Variants in AIG1 observed in about 807,000 individuals in gnomAD.
AIG1 encodes androgen induced 1.
AIG1 carries 23 observed loss-of-function variants against 31.4 expected under a neutral mutation model. That is an observed-to-expected ratio of 0.73 (90% CI 0.53 to 1.04). The LOEUF is 1.04. Ranked by LOEUF, AIG1 falls within the 50% of genes least tolerant of loss-of-function variation. AIG1 has a pLI of 0.00. For missense variants in AIG1, 274 were observed against 295.0 expected (o/e 0.93, Z 0.52); for synonymous variants, 100 against 110.5 (o/e 0.90, Z 0.60).
intron 3 of AIG1, among the ~76,000 whole-genome samples, chr6:143,260,115 C>T (rs1415501763): frequency 1.3e-5 from 2 of 150,306 alleles, no homozygotes; most frequent in East Asian, 2.0e-4. Context: ...GCTCCGCCTC[C>T]TGGATTCACA....
chr6:143,338,315 C>T lies in AIG1; in HGVS notation c.680-1324C>T, dbSNP rs559785884. On this transcript the variant is annotated intron_variant, in intron 5 of 5. Coordinates refer to ENST00000357847, the MANE Select transcript of AIG1 (RefSeq NM_016108.4). This position sits in a 1 kb window ranked among gnomAD's most constrained non-coding sequence, Gnocchi z 4.3. ...ACCTGTTCCTCCTCCCGTCAGATGT[C>T]CTTACTCCTCAATTTGAAGTTTTCC... 3.7e-4 allele frequency: 109 copies of T among 290,786 alleles called. No individual in the cohort carries two copies. Among genetic ancestry groups the T allele is most frequent in the Non-Finnish European group, 6.3e-4 (99 of 158,306 alleles). The allele number at this position is 290,786 out of a possible 1,614,324, so 18.0% of individuals were successfully genotyped here. A position where few individuals can be genotyped will look rare whatever the true frequency, so the allele number is the denominator to read the frequency against.
At chr6:143,271,024 T>C (rs545870613) in intron 3 of AIG1, among the ~76,000 whole-genome samples, 1 of 152,370 alleles carries the variant, frequency 6.6e-6, no homozygotes, top group Admixed American at 6.5e-5. Context: ...AGACTCATGG[T>C]TCTCTGCTTT....
At chr6:143,088,266 C>CT (rs72556194) in intron 1 of AIG1, among the ~76,000 whole-genome samples, 23,379 of 146,642 alleles carry the variant, frequency 0.16, 4,413 homozygotes, top group African/African-American at 0.46. Flanking sequence ...CACTGCACAT[C>CT]TTTTTTTTTT....
chr6:143,305,597 T>TTATA (rs1412171180), intron 4 of AIG1, among the ~76,000 whole-genome samples: 1 of 152,222 alleles, frequency 6.6e-6, no homozygotes, highest in African/African-American at 2.4e-5. Flanking sequence ...AGACAGTTTG[T>TTATA]TATAATTTCT....
chr6:143,190,859 C>T (rs1488534497), intron 3 of AIG1, among the ~76,000 whole-genome samples: 1 of 152,182 alleles, frequency 6.6e-6, no homozygotes, highest in Non-Finnish European at 1.5e-5. Flanking sequence ...GAGGTCTTGA[C>T]AATGCTTTCT....
At chr6:143,143,554 T>TATATATATATAC (rs762393675) in intron 2 of AIG1, among the ~76,000 whole-genome samples, 7 of 103,982 alleles carry the variant, frequency 6.7e-5, no homozygotes, top group South Asian at 3.4e-4. Context: ...TATATATATA[T>TATATATATATAC]ACACACACAC....
intron 3 of AIG1, among the ~76,000 whole-genome samples, chr6:143,175,472 C>T (rs936865284): frequency 2.0e-5 from 3 of 152,210 alleles, no homozygotes; most frequent in African/African-American, 7.2e-5. Context: ...AACACAATCC[C>T]AAACTTCTTG....
chr6:143,114,233 A>G (rs1029086727), intron 1 of AIG1, among the ~76,000 whole-genome samples: 3 of 152,232 alleles, frequency 2.0e-5, no homozygotes, highest in Admixed American at 2.0e-4. Flanking sequence ...TCTGTTTTCA[A>G]AAATCTTGTA....
Position 143,340,910 on chromosome 6 carries a change from T to C in AIG1, c.*1234T>C, listed in dbSNP as rs148264724. On this transcript the variant is annotated 3_prime_UTR_variant, in exon 6 of 6. Coordinates refer to ENST00000357847, the MANE Select transcript of AIG1 (RefSeq NM_016108.4). The stretch of plus-strand genomic sequence containing the variant: ...TGTTGAGAGAGATCAACAAATGATA[T>C]AAAACCATTCACTCCAAAATTATAA... Among the ~76,000 whole-genome samples, 1,443 of 152,036 alleles carry C rather than the reference T, an allele frequency of 9.5e-3. 21 individuals are homozygous for C. The highest frequency in any genetic ancestry group is 0.032 in the African/African-American group (1,332 of 41,528).
chr6:143,300,861 C>T (rs917255330), intron 4 of AIG1, among the ~76,000 whole-genome samples: 1 of 152,200 alleles, frequency 6.6e-6, no homozygotes, highest in Non-Finnish European at 1.5e-5. Flanking sequence ...ATGTCTGACA[C>T]ATACAAATGA....
At chr6:143,161,599 A>G (rs1282222454) in intron 2 of AIG1, among the ~76,000 whole-genome samples, 1 of 151,340 alleles carries the variant, frequency 6.6e-6, no homozygotes, top group Non-Finnish European at 1.5e-5. Context: ...ATTATCATAT[A>G]TGATGACCAG....
At chr6:143,113,898 C>T (rs1050535330) in intron 1 of AIG1, among the ~76,000 whole-genome samples, 2 of 151,908 alleles carry the variant, frequency 1.3e-5, no homozygotes, top group African/African-American at 2.4e-5. Flanking sequence ...CCTCAGCTTC[C>T]GGAGTAGCTG....
At chr6:143,076,886 T>C (rs1035888598) in intron 1 of AIG1, among the ~76,000 whole-genome samples, 2 of 152,136 alleles carry the variant, frequency 1.3e-5, no homozygotes, top group South Asian at 2.1e-4. Flanking sequence ...TTAGCCAGGA[T>C]GGTCTTGATC....
chr6:143,198,934 A>G (rs564495289), intron 3 of AIG1, among the ~76,000 whole-genome samples: 5 of 152,318 alleles, frequency 3.3e-5, no homozygotes, highest in South Asian at 4.1e-4. Context: ...AGCCTTTGCC[A>G]TACCTTCTTT....
In AIG1 at chr6:143,331,762, G is replaced by A. The variant is rs112419147; in HGVS notation, c.516-1520G>A. Among the ~76,000 whole-genome samples, 1 of 151,628 alleles carries A rather than the reference G, an allele frequency of 6.6e-6. No individual in the cohort carries two copies. The highest frequency in any genetic ancestry group is 2.4e-5 in the African/African-American group (1 of 41,272). ...AATTTTCGCCTGCAAGAAGAGGGGG[G>A]ATCTCACCCTCATTGATAACGCAGG... is the stretch of plus-strand genomic sequence containing the variant. On this transcript the variant is annotated intron_variant, in intron 4 of 5. Coordinates refer to ENST00000357847, the MANE Select transcript of AIG1 (RefSeq NM_016108.4). This position sits in a 1 kb window ranked among gnomAD's most constrained non-coding sequence, Gnocchi z 4.1.
intron 3 of AIG1, among the ~76,000 whole-genome samples, chr6:143,183,443 C>G (rs1236155747): frequency 1.3e-5 from 2 of 152,190 alleles, no homozygotes; most frequent in Admixed American, 6.5e-5. Flanking sequence ...ATCCGCTTGA[C>G]TTGGCCTCCC....
At chr6:143,145,135 G>C (rs1784596778) in intron 2 of AIG1, among the ~76,000 whole-genome samples, 1 of 152,002 alleles carries the variant, frequency 6.6e-6, no homozygotes, top group Non-Finnish European at 1.5e-5. Flanking sequence ...AGTGATCCTC[G>C]CACCTCAGCA....
chr6:143,301,755 A>T (rs1172689370), intron 4 of AIG1, among the ~76,000 whole-genome samples: 2 of 152,134 alleles, frequency 1.3e-5, no homozygotes, highest in Non-Finnish European at 2.9e-5. Context: ...ACAAGTGGGG[A>T]TTATTATAAT....
chr6:143,272,638 C>T (rs1308451184), intron 3 of AIG1, among the ~76,000 whole-genome samples: 1 of 152,074 alleles, frequency 6.6e-6, no homozygotes, highest in African/African-American at 2.4e-5. Context: ...ATGTATATAC[C>T]AAGGATAAGA....
Sources: gnomAD v4.1 joint callset for allele counts (sites outside exome capture counted in the v4.1 genomes callset) on GRCh38, gnomAD v4.1.1 for gene constraint, Gnocchi (gnomAD v3.1) non-coding constraint, MANE v1.5 for transcripts, NCBI Gene and HGNC (gene_info 2026-07-23, HGNC 2026-07-21) for gene names.